SYT16: variants seen among roughly 807,000 people sequenced by gnomAD.
SYT16 encodes the protein synaptotagmin 16.
A neutral mutation model predicts 61.4 loss-of-function variants in SYT16; 42 were observed. The observed-to-expected ratio is 0.68, with a 90% CI of 0.53 to 0.89. The LOEUF (loss-of-function observed/expected upper bound fraction) is 0.89, where lower values mean the gene tolerates loss of function less well. SYT16 is among the 40% of genes least tolerant of loss of function. SYT16 has a pLI of 0.00. For synonymous variants in SYT16, 314 were observed against 302.3 expected, an observed-to-expected ratio of 1.04 and a Z score of -0.40; for missense variants, 804 against 807.3, an observed-to-expected ratio of 1.00 and a Z score of 0.05.
chr14:62,049,903 C>T (rs1256993510), intron 3 of SYT16, among the ~76,000 whole-genome samples: 2 of 152,184 alleles, frequency 1.3e-5, no homozygotes, highest in Non-Finnish European at 1.5e-5. Context: ...CTGCCCTTAA[C>T]ATTTTTTCCT....
intron 1 of SYT16, among the ~76,000 whole-genome samples, chr14:61,910,281 T>C (rs578218727): frequency 4.9e-4 from 75 of 152,282 alleles, no homozygotes; most frequent in African/African-American, 1.8e-3. Context: ...TGTTGTCACC[T>C]GGGCTAGAGT....
chr14:61,909,296 C>G (rs2048838510), intron 1 of SYT16, among the ~76,000 whole-genome samples: 1 of 152,214 alleles, frequency 6.6e-6, no homozygotes, highest in African/African-American at 2.4e-5. Flanking sequence ...CTGTGGCCAT[C>G]ATAACAAATT....
chr14:61,985,927 G>A (rs150813223), intron 2 of SYT16, among the ~76,000 whole-genome samples: 1 of 152,158 alleles, frequency 6.6e-6, no homozygotes, highest in South Asian at 2.1e-4. Flanking sequence ...GTAGTAACAA[G>A]TCCAATGGAG....
chr14:61,943,754 C>T (rs1368646620), intron 1 of SYT16, among the ~76,000 whole-genome samples: 11 of 152,084 alleles, frequency 7.2e-5, no homozygotes, highest in East Asian at 1.9e-4. Context: ...GAGCTATTTA[C>T]GACAAGCCCA....
chr14:62,099,681 A>G (rs988453510), intron 7 of SYT16, among the ~76,000 whole-genome samples: 2 of 152,136 alleles, frequency 1.3e-5, no homozygotes, highest in African/African-American at 4.8e-5. Context: ...GGATATGTAG[A>G]TGCCTGGGCA....
At position 62,069,875 on chromosome 14, in the gene SYT16, C is replaced by G. The variant is rs771621823; in HGVS notation, c.736+60C>G. The G allele has an allele frequency of 1.6e-5, 24 of 1,541,652 alleles. No homozygotes were observed. The Admixed American group carries it at 3.9e-4, about 25-fold the overall frequency. On this transcript the variant is annotated intron_variant, in intron 4 of 7. Transcript: ENST00000683842. ...GGATGGCCAATGGTAAGAGTGCATC[C>G]GAATTATTCACCCTCTGCACTCTGC...
chr14:61,939,454 C>G (rs749781756), intron 1 of SYT16, among the ~76,000 whole-genome samples: 1 of 152,230 alleles, frequency 6.6e-6, no homozygotes, highest in Non-Finnish European at 1.5e-5. Flanking sequence ...TTCTCACAGT[C>G]CTGGAGGACA....
intron 4 of SYT16, among the ~76,000 whole-genome samples, chr14:62,073,752 C>T (rs971204407): frequency 6.6e-6 from 1 of 152,178 alleles, no homozygotes; most frequent in Non-Finnish European, 1.5e-5. Context: ...GGGTCATGTA[C>T]TCTGGTGAAC....
chr14:61,903,961 A>G (rs988764734), intron 1 of SYT16, among the ~76,000 whole-genome samples: 4 of 152,194 alleles, frequency 2.6e-5, no homozygotes, highest in African/African-American at 9.7e-5. Flanking sequence ...CTTCGAGGGT[A>G]TCAATAATGA....
chr14:61,859,999 A>G (rs774393651), intron 1 of SYT16, among the ~76,000 whole-genome samples: 19 of 152,236 alleles, frequency 1.2e-4, no homozygotes, highest in African/African-American at 4.6e-4. Context: ...GACCTTGTCC[A>G]TATACCCACA....
chr14:61,873,340 A>T (rs2047388603), intron 1 of SYT16, among the ~76,000 whole-genome samples: 1 of 152,186 alleles, frequency 6.6e-6, no homozygotes, highest in African/African-American at 2.4e-5. Flanking sequence ...GAGAGGATGG[A>T]TAGGCATTTT....
intron 3 of SYT16, among the ~76,000 whole-genome samples, chr14:62,021,274 G>A (rs1476589303): frequency 1.3e-5 from 2 of 152,278 alleles, no homozygotes; most frequent in East Asian, 1.9e-4. Flanking sequence ...CTAGTGGGCA[G>A]AATGGAGTGG....
intron 1 of SYT16, among the ~76,000 whole-genome samples, chr14:61,884,404 C>T (rs2047816266): frequency 6.6e-6 from 1 of 152,180 alleles, no homozygotes; most frequent in Non-Finnish European, 1.5e-5. Context: ...CTTTCTTAAA[C>T]ACAGATCTTC....
At chr14:61,888,287 T>G (rs1283008067) in intron 1 of SYT16, among the ~76,000 whole-genome samples, 2 of 152,120 alleles carry the variant, frequency 1.3e-5, no homozygotes, top group African/African-American at 2.4e-5. Context: ...CTGGCTAATT[T>G]TTATATTTTT....
At chr14:61,817,554 C>G (rs1411841447) in intron 1 of SYT16, among the ~76,000 whole-genome samples, 1 of 151,982 alleles carries the variant, frequency 6.6e-6, no homozygotes, top group Non-Finnish European at 1.5e-5. Flanking sequence ...AAACATCAGA[C>G]AAAGGCAAAT....
At chr14:61,959,443 T>C (rs558559387) in intron 1 of SYT16, among the ~76,000 whole-genome samples, 1 of 152,050 alleles carries the variant, frequency 6.6e-6, no homozygotes, top group Non-Finnish European at 1.5e-5. Flanking sequence ...TGTTATGGAG[T>C]TTACATTGAA....
chr14:61,920,290 C>A (rs1260478132), intron 1 of SYT16, among the ~76,000 whole-genome samples: 2 of 152,206 alleles, frequency 1.3e-5, no homozygotes, highest in African/African-American at 4.8e-5. Flanking sequence ...TCTTGGGATA[C>A]ATGTGCAAAA....
At position 62,111,156 on chromosome 14, in the gene SYT16, C is replaced by T. The variant is rs1330862467; in HGVS notation, c.*10449C>T. ...TTCACATTCACACATTTATGTTTCA[C>T]CATATGCATACTGTGTACAGCTCTG... On this transcript the variant is annotated 3_prime_UTR_variant, in exon 8 of 8. Transcript: ENST00000683842. 2.6e-5 allele frequency: 4 copies of T among 152,032 alleles called. No homozygotes were observed. The highest frequency in any genetic ancestry group is 5.9e-5 in the Non-Finnish European group (4 of 67,938). The allele number at this position is 152,032 out of a possible 1,614,324, so 9.4% of individuals were successfully genotyped here. A position where few individuals can be genotyped will look rare whatever the true frequency, so the allele number is the denominator to read the frequency against.
intron 1 of SYT16, among the ~76,000 whole-genome samples, chr14:61,938,124 C>T (rs2140441926): frequency 6.6e-6 from 1 of 150,978 alleles, no homozygotes; most frequent in East Asian, 2.0e-4. Flanking sequence ...TTTAATTTTT[C>T]AATTAATTAC....
Sources: allele counts gnomAD v4.1 joint callset (sites outside exome capture counted in the v4.1 genomes callset), GRCh38; gene constraint gnomAD v4.1.1; transcripts MANE v1.5; gene names NCBI Gene and HGNC (gene_info 2026-07-23, HGNC 2026-07-21).